RALGAPA2: variants seen among roughly 807,000 people sequenced by gnomAD.
The protein encoded by RALGAPA2 is ral GTPase-activating protein subunit alpha-2.
In RALGAPA2, 139 loss-of-function variants were observed where a neutral mutation model predicts 230.4. The ratio of observed to expected loss-of-function variants is 0.60; its 90% CI spans 0.53 to 0.69. The LOEUF (loss-of-function observed/expected upper bound fraction) is 0.69. RALGAPA2 is among the 30% of genes least tolerant of loss of function. The pLI is 0.00. For synonymous variants in RALGAPA2, 847 were observed against 837.8 expected (o/e 1.01, Z -0.19); for missense variants, 2,163 against 2,276.0 (o/e 0.95, Z 1.01).
intron 26 of RALGAPA2, among the ~76,000 whole-genome samples, chr20:20,533,788 C>A (rs1296126214): frequency 6.6e-6 from 1 of 152,012 alleles, no homozygotes; most frequent in Non-Finnish European, 1.5e-5. Flanking sequence ...ACATTTTGAT[C>A]CACAATGCAA....
chr20:20,656,381 A>G (rs1404058505), intron 3 of RALGAPA2, among the ~76,000 whole-genome samples: 1 of 152,242 alleles, frequency 6.6e-6, no homozygotes, highest in Non-Finnish European at 1.5e-5. Context: ...GATGTCACAT[A>G]ACAGAATGAC....
intron 3 of RALGAPA2, among the ~76,000 whole-genome samples, chr20:20,657,979 A>G (rs750653730): frequency 2.0e-5 from 3 of 152,186 alleles, no homozygotes; most frequent in African/African-American, 4.8e-5. Context: ...TTTTGTTAGC[A>G]CACAACAAAG....
intron 39 of RALGAPA2, among the ~76,000 whole-genome samples, chr20:20,394,916 G>A (rs6137021): frequency 0.55 from 67,446 of 123,668 alleles, 19,363 homozygotes; most frequent in Non-Finnish European, 0.66. Flanking sequence ...AAAAAGGCAA[G>A]TAAATGAAAG....
intron 4 of RALGAPA2, among the ~76,000 whole-genome samples, chr20:20,650,266 G>A (rs4813392): frequency 0.32 from 48,610 of 152,068 alleles, 9,566 homozygotes; most frequent in Middle Eastern, 0.46. Flanking sequence ...AGTTTTAAGA[G>A]AAATAGAATG....
chr20:20,637,068 T>C (rs2066884202), intron 8 of RALGAPA2, among the ~76,000 whole-genome samples: 1 of 152,172 alleles, frequency 6.6e-6, no homozygotes, highest in Non-Finnish European at 1.5e-5. Context: ...ATGCAGAGAT[T>C]TTTACATTAA....
At chr20:20,540,434 T>C (rs2063613083) in intron 24 of RALGAPA2, among the ~76,000 whole-genome samples, 1 of 152,224 alleles carries the variant, frequency 6.6e-6, no homozygotes, top group African/African-American at 2.4e-5. Context: ...ATATATGTGC[T>C]AAAGACCAAG....
chr20:20,625,163 G>C (rs2066452185), intron 10 of RALGAPA2, among the ~76,000 whole-genome samples: 1 of 152,080 alleles, frequency 6.6e-6, no homozygotes, highest in Admixed American at 6.5e-5. Context: ...ACACCTGCCT[G>C]CCAGTTTGCT....
chr20:20,601,562 T>C, intron 16 of RALGAPA2, 120 bp downstream of exon 16: 2 of 959,356 alleles, frequency 2.1e-6, no homozygotes, highest in South Asian at 4.4e-5. Flanking sequence ...TGTAGAGACA[T>C]TTCATTTAAT....
At chr20:20,620,938 C>T (rs962693167) in intron 10 of RALGAPA2, among the ~76,000 whole-genome samples, 34 of 152,046 alleles carry the variant, frequency 2.2e-4, no homozygotes, top group South Asian at 2.1e-4. Flanking sequence ...GTCAGGAGTT[C>T]GGGACCAACC....
At chr20:20,423,102 G>T (rs566743320) in intron 37 of RALGAPA2, among the ~76,000 whole-genome samples, 1 of 152,328 alleles carries the variant, frequency 6.6e-6, no homozygotes, top group Non-Finnish European at 1.5e-5. Flanking sequence ...TGGACTTGGG[G>T]TGCTCACCAA....
At chr20:20,589,554 C>T (rs1227922121) in intron 17 of RALGAPA2, among the ~76,000 whole-genome samples, 189 bp from the exon 18 acceptor site, 1 of 152,046 alleles carries the variant, frequency 6.6e-6, no homozygotes, top group East Asian at 1.9e-4. Context: ...GTCTCTGGCC[C>T]ACAGAGAGCT....
Position 20,512,819 on chromosome 20 carries a change from TC to T in RALGAPA2, c.4549del (p.Asp1517MetfsTer24). The T allele has an allele frequency of 6.2e-7, 1 of 1,613,542 alleles. No individual in the cohort carries two copies. The highest frequency in any genetic ancestry group is 1.1e-5 in the South Asian group (1 of 91,068). ...QKDSSQVEEG[D>X]DVLDKLLENI... ...TTCAAGTAATTTGTCAAGAACATCA[TC>T]CCCCTCCTCAACTTGAGAAGAGTCT... is the stretch of plus-strand genomic sequence containing the variant. On this transcript the variant is annotated frameshift_variant, in exon 32 of 40. Transcript: ENST00000202677. LOFTEE classifies it high-confidence loss of function.
rs2063785871 is a variant in RALGAPA2 at position 20,546,803 on chromosome 20, A to G, written c.3186T>C (p.Cys1062=). 1.9e-6 allele frequency: 3 copies of G among 1,608,030 alleles called. No individual in the cohort carries two copies. The highest frequency in any genetic ancestry group is 2.5e-6 in the Non-Finnish European group (3 of 1,178,324). ...QDILNTIIRH[C]PPRFFSLGFP... is the part of the protein sequence containing the mutation. ...AACCCAGGGAGAAAAAGCGGGGTGG[A>G]CAGTGCCTTATGATCGTATTTAAGA... Residue 1062 remains cysteine (C), a synonymous_variant, in exon 24 of 40, where the codon TGT becomes TGC. Coordinates refer to ENST00000202677, the MANE Select transcript of RALGAPA2 (RefSeq NM_020343.4).
At position 20,524,525 on chromosome 20, in the gene RALGAPA2, G is replaced by A; in HGVS notation, c.3781C>T (p.Leu1261Phe). 6.2e-7 allele frequency: 1 copy of A among 1,613,968 alleles called. No homozygotes were observed. The change falls in exon 30 of 40, where the codon CTC becomes TTC. Residue 1261 changes from leucine (L) to phenylalanine (F), a missense_variant. Coordinates refer to ENST00000202677, the MANE Select transcript of RALGAPA2 (RefSeq NM_020343.4). Reference sequence around the variant, plus strand: ...GCCATGCACCAGTCCAAGAGGCAGAGTAGCAAGGACACAATAAACTGGAAG... The same window carrying A: ...GCCATGCACCAGTCCAAGAGGCAGAATAGCAAGGACACAATAAACTGGAAG... ...TDKKFIVSLL[L>F]CLLDWCMALP...
At chr20:20,599,878 T>C (rs1439114397) in intron 16 of RALGAPA2, among the ~76,000 whole-genome samples, 3 of 149,910 alleles carry the variant, frequency 2.0e-5, no homozygotes, top group Non-Finnish European at 3.0e-5. Context: ...GAGGCTGAGG[T>C]GGTAGAATCG....
chr20:20,643,599 A>G lies in RALGAPA2; in HGVS notation c.329-50T>C, dbSNP rs193146602. 1.9e-4 allele frequency: 254 copies of G among 1,346,616 alleles called. 2 individuals carry two copies. The African/African-American group carries it at 3.1e-3, about 17-fold the overall frequency. The allele number at this position is 1,346,616 out of a possible 1,614,324, so 83.4% of individuals were successfully genotyped here. ...TAAATAGAGTATATAAATGCATATC[A>G]AAGATCTATTTTAAGAAAATATGTA... On this transcript the variant is annotated intron_variant, in intron 4 of 39. Transcript: ENST00000202677.
At chr20:20,411,508 T>C (rs1255554297) in intron 38 of RALGAPA2, among the ~76,000 whole-genome samples, 1 of 152,224 alleles carries the variant, frequency 6.6e-6, no homozygotes, top group Non-Finnish European at 1.5e-5. Context: ...GGTCGGCGGC[T>C]TGTCCACATG....
intron 27 of RALGAPA2, among the ~76,000 whole-genome samples, chr20:20,527,021 G>T (rs958428314): frequency 6.6e-6 from 1 of 152,158 alleles, no homozygotes; most frequent in East Asian, 1.9e-4. Flanking sequence ...GCATGTCTAA[G>T]GGCAGCACCT....
At chr20:20,416,699 A>T (rs2060172078) in intron 37 of RALGAPA2, among the ~76,000 whole-genome samples, 1 of 152,172 alleles carries the variant, frequency 6.6e-6, no homozygotes, top group Non-Finnish European at 1.5e-5. Flanking sequence ...ATTCCATTTT[A>T]ATTTCTTTTT....
Sources: allele counts gnomAD v4.1 joint callset (sites outside exome capture counted in the v4.1 genomes callset), GRCh38; gene constraint gnomAD v4.1.1; transcripts MANE v1.5; gene names NCBI Gene and HGNC (gene_info 2026-07-23, HGNC 2026-07-21).